TMEM74: variants seen among roughly 807,000 people sequenced by gnomAD.
TMEM74 encodes the protein transmembrane protein 74.
A neutral mutation model predicts 18.1 loss-of-function variants in TMEM74; 13 were observed. The observed-to-expected ratio is 0.72, with a 90% CI of 0.47 to 1.14. TMEM74 has a LOEUF of 1.14. Among genes scored for constraint, TMEM74 ranks in the 50% most tolerant of loss-of-function variants. The pLI is 0.00. For synonymous variants in TMEM74, 159 were observed against 146.6 expected, an observed-to-expected ratio of 1.08 and a Z score of -0.61; for missense variants, 372 against 375.9, an observed-to-expected ratio of 0.99 and a Z score of 0.09.
At chr8:108,636,976 A>G (rs921438370) in intron 2 of TMEM74, among the ~76,000 whole-genome samples, 2 of 152,080 alleles carry the variant, frequency 1.3e-5, no homozygotes, top group Non-Finnish European at 2.9e-5. Flanking sequence ...TCTCTACCCT[A>G]GTAAGCACTC....
intron 1 of TMEM74, among the ~76,000 whole-genome samples, chr8:108,729,029 T>C (rs1373994396): frequency 6.6e-6 from 1 of 152,236 alleles, no homozygotes; most frequent in Non-Finnish European, 1.5e-5. Context: ...ACTAAAATTT[T>C]AGCAACTGCA....
At chr8:108,618,761 T>C (rs1402869928) in intron 2 of TMEM74, among the ~76,000 whole-genome samples, 1 of 152,190 alleles carries the variant, frequency 6.6e-6, no homozygotes, top group Non-Finnish European at 1.5e-5. Flanking sequence ...TATGTTTTAT[T>C]AAACTAGAGA....
intron 2 of TMEM74, among the ~76,000 whole-genome samples, chr8:108,631,449 C>T: frequency 6.6e-6 from 1 of 152,104 alleles, no homozygotes; most frequent in East Asian, 1.9e-4. Context: ...AATAACTCTC[C>T]CATTTGCTTT....
intron 2 of TMEM74, among the ~76,000 whole-genome samples, chr8:108,614,971 TA>T (rs1381166567): frequency 2.0e-5 from 3 of 152,190 alleles, no homozygotes; most frequent in Admixed American, 6.5e-5. Flanking sequence ...ACCATACTAA[TA>T]AAAACTGCAT....
chr8:108,700,687 G>A (rs911794832), intron 1 of TMEM74, among the ~76,000 whole-genome samples: 1 of 152,144 alleles, frequency 6.6e-6, no homozygotes, highest in Non-Finnish European at 1.5e-5. Flanking sequence ...TCAAAATGAA[G>A]TGAATTCGTG....
chr8:108,674,815 A>G (rs1813037650), intron 1 of TMEM74, among the ~76,000 whole-genome samples: 1 of 152,226 alleles, frequency 6.6e-6, no homozygotes, highest in Admixed American at 6.5e-5. Context: ...TGCTGCAGAC[A>G]ATCTGTGAGT....
Position 108,781,904 on chromosome 8 carries a change from G to A in TMEM74, c.*2277C>T, listed in dbSNP as rs1270546501. Among the ~76,000 whole-genome samples, 1 of 152,042 alleles carries A rather than the reference G, an allele frequency of 6.6e-6. No homozygotes were observed. The highest frequency in any genetic ancestry group is 2.4e-5 in the African/African-American group (1 of 41,414). ...GAAAAGCTTTATTATCAAGTGAAAA[G>A]ACCTCCTAACACTTGATTCCCAAAC... On this transcript the variant is annotated 3_prime_UTR_variant, in exon 2 of 2. Transcript: ENST00000297459.
chr8:108,638,165 A>C (rs1179660202), intron 2 of TMEM74, among the ~76,000 whole-genome samples: 2 of 152,134 alleles, frequency 1.3e-5, no homozygotes, highest in African/African-American at 4.8e-5. Flanking sequence ...TGTTTGCCTA[A>C]AGCTTTTCCA....
At position 108,730,634 on chromosome 8, in the gene TMEM74, C is replaced by CTTTTTTTTTTTTT. The variant is rs1199122765; in HGVS notation, n.119+56829_119+56841dup. Among the ~76,000 whole-genome samples the CTTTTTTTTTTTTT allele has an allele frequency of 8.8e-4, 116 of 132,166 alleles. 6 individuals carry two copies. The highest frequency in any genetic ancestry group is 3.4e-3 in the African/African-American group (110 of 32,662). The allele number at this position is 132,166 out of a possible 152,430, so 86.7% of individuals were successfully genotyped here. ...TTAGCTTTAAATGTATGCAGACTTC[C>CTTTTTTTTTTTTT]TTTTTTTTTTTTTTTTTGTGACGGA... On this transcript the variant is annotated intron_variant and non_coding_transcript_variant, in intron 1 of 3. Transcript: ENST00000518838.
intron 1 of TMEM74, among the ~76,000 whole-genome samples, chr8:108,735,054 T>C (rs897729583): frequency 3.3e-5 from 5 of 152,166 alleles, no homozygotes; most frequent in African/African-American, 1.2e-4. Flanking sequence ...TCTAATTCCA[T>C]CATCATTCTC....
intron 1 of TMEM74, among the ~76,000 whole-genome samples, chr8:108,686,230 G>A (rs1233926121): frequency 5.3e-5 from 8 of 152,008 alleles, no homozygotes; most frequent in Non-Finnish European, 7.4e-5. Flanking sequence ...ACAGAGTCTC[G>A]CTCTGTCGCC....
intron 1 of TMEM74, among the ~76,000 whole-genome samples, chr8:108,668,968 T>C (rs1812976214): frequency 6.6e-6 from 1 of 151,898 alleles, no homozygotes; most frequent in African/African-American, 2.4e-5. Context: ...CCAGTTTACA[T>C]TGTAATTTAG....
downstream of TMEM74, among the ~76,000 whole-genome samples, chr8:108,776,728 C>CATGATGATGATGATG (rs71305917): frequency 2.0e-4 from 29 of 148,002 alleles, no homozygotes; most frequent in African/African-American, 6.6e-4. Flanking sequence ...GCAGTTTCCA[C>CATGATGATGATGATG]ATGATGATGA....
chr8:108,733,054 G>C (rs1813711381), intron 1 of TMEM74, among the ~76,000 whole-genome samples: 1 of 152,056 alleles, frequency 6.6e-6, no homozygotes, highest in Non-Finnish European at 1.5e-5. Flanking sequence ...ATAGTTGGTG[G>C]GAGTGTAAAA....
intron 1 of TMEM74, among the ~76,000 whole-genome samples, chr8:108,740,302 A>G (rs962585403): frequency 7.9e-5 from 12 of 152,178 alleles, no homozygotes; most frequent in Middle Eastern, 3.2e-3. Flanking sequence ...GTTGACCCAC[A>G]TATAAAGTAT....
intron 3 of TMEM74, among the ~76,000 whole-genome samples, chr8:108,608,468 C>G (rs530265904): frequency 6.6e-6 from 1 of 152,262 alleles, no homozygotes; most frequent in South Asian, 2.1e-4. Context: ...TCTCTCGTTT[C>G]CCCGTGGACT....
intron 1 of TMEM74, among the ~76,000 whole-genome samples, chr8:108,706,404 A>T (rs1813396440): frequency 6.6e-6 from 1 of 152,196 alleles, no homozygotes; most frequent in Admixed American, 6.5e-5. Context: ...TGAACTTATG[A>T]TGTATCTATA....
Position 108,784,566 on chromosome 8 carries a change from A to C in TMEM74, c.533T>G (p.Phe178Cys), listed in dbSNP as rs1339371171. Residue 178 changes from phenylalanine to cysteine, a missense_variant, in exon 2 of 2, where the codon TTC becomes TGC. Transcript: ENST00000297459. ...TSSGKSIDYG[F>C]ISAILFLVTG... ...GACCAAGAACAAGATGGCGCTGATG[A>C]AACCATAGTCTATAGACTTCCCTGA... 3 of 1,614,058 alleles carry C rather than the reference A, an allele frequency of 1.9e-6. No homozygotes were observed. The highest frequency in any genetic ancestry group is 2.5e-6 in the Non-Finnish European group (3 of 1,180,046).
chr8:108,623,728 C>T (rs572871837), intron 2 of TMEM74, among the ~76,000 whole-genome samples: 4 of 152,100 alleles, frequency 2.6e-5, no homozygotes, highest in African/African-American at 9.6e-5. Flanking sequence ...AGTTTTGATG[C>T]TTTCCTCTAA....
Sources: gnomAD v4.1 joint callset for allele counts (sites outside exome capture counted in the v4.1 genomes callset) on GRCh38, gnomAD v4.1.1 for gene constraint, MANE v1.5 for transcripts, NCBI Gene and HGNC (gene_info 2026-07-23, HGNC 2026-07-21) for gene names.